FRMPD4: variants seen among roughly 807,000 people sequenced by gnomAD.
FRMPD4 encodes the protein FERM and PDZ domain-containing protein 4.
FRMPD4 carries 22 observed loss-of-function variants against 94.1 expected under a neutral mutation model. The observed-to-expected ratio is 0.23, with a 90% confidence interval of 0.17 to 0.33. The LOEUF (loss-of-function observed/expected upper bound fraction) is 0.33, where lower values mean the gene tolerates loss of function less well. FRMPD4 is among the 10% of genes least tolerant of loss of function. FRMPD4 has a pLI of 1.00. For missense variants in FRMPD4, 1,111 were observed against 1,339.9 expected, an observed-to-expected ratio of 0.83 and a Z score of 2.67; for synonymous variants, 631 against 548.6, an observed-to-expected ratio of 1.15 and a Z score of -2.10.
At chrX:11,874,706 G>A (rs2147308611) in intron 2 of FRMPD4, among the ~76,000 whole-genome samples, 1 of 111,831 alleles carries the variant, frequency 8.9e-6, no homozygotes, top group African/African-American at 3.2e-5. Flanking sequence ...TTTTACAGAG[G>A]TACAAAGTCC....
chrX:11,966,522 TATCATCATCATC>T (rs369305902), intron 3 of FRMPD4, among the ~76,000 whole-genome samples: 2 of 109,863 alleles, frequency 1.8e-5, no homozygotes, highest in East Asian at 2.8e-4. Context: ...AGCCCAGATT[TATCATCATCATC>T]ATCATCATCA....
chrX:12,486,222 A>G (rs1171480991), intron 1 of FRMPD4, among the ~76,000 whole-genome samples: 1 of 111,537 alleles, frequency 9.0e-6, no homozygotes, highest in Non-Finnish European at 1.9e-5. Context: ...CTTACCTGAC[A>G]CTGACCTTGG....
chrX:12,690,477 T>G (rs988254407), intron 8 of FRMPD4, 151 bp downstream of exon 8: 4 of 451,317 alleles, frequency 8.9e-6, no homozygotes, highest in African/African-American at 4.9e-5. Context: ...CTTAATGCAT[T>G]TTACACCTCA....
At chrX:12,603,884 A>T (rs1189449010) in intron 2 of FRMPD4, among the ~76,000 whole-genome samples, 1 of 111,293 alleles carries the variant, frequency 9.0e-6, no homozygotes, top group Admixed American at 9.6e-5. Flanking sequence ...TTCATGGGGA[A>T]CATGCTAGTA....
chrX:12,683,743 G>C (rs1197169561), intron 6 of FRMPD4, among the ~76,000 whole-genome samples, 156 bp downstream of exon 6: 1 of 112,149 alleles, frequency 8.9e-6, no homozygotes, highest in Non-Finnish European at 1.9e-5. Context: ...TAAAGGGCTT[G>C]AGAGTTCATC....
intron 4 of FRMPD4, among the ~76,000 whole-genome samples, chrX:12,629,846 T>A (rs1215755691): frequency 8.9e-6 from 1 of 112,242 alleles, no homozygotes; most frequent in African/African-American, 3.2e-5. Flanking sequence ...TCATTACTGC[T>A]CTGGAAATTG....
intron 1 of FRMPD4, among the ~76,000 whole-genome samples, chrX:12,485,745 C>T (rs1461296586): frequency 9.0e-6 from 1 of 110,550 alleles, no homozygotes; most frequent in Non-Finnish European, 1.9e-5. Flanking sequence ...CACATCTCTA[C>T]TAAAAATACA....
intron 1 of FRMPD4, among the ~76,000 whole-genome samples, chrX:12,496,115 A>T (rs1315169872): frequency 8.9e-6 from 1 of 112,531 alleles, no homozygotes; most frequent in Admixed American, 9.4e-5. Flanking sequence ...GTTACCAGTT[A>T]AAAAATACAG....
intron 1 of FRMPD4, among the ~76,000 whole-genome samples, chrX:12,347,775 C>T (rs1049417113): frequency 3.6e-5 from 4 of 111,558 alleles, no homozygotes; most frequent in Non-Finnish European, 7.5e-5. Flanking sequence ...TTGTTCATCA[C>T]AGTAGAAGTC....
chrX:12,321,567 G>A (rs2055208386), intron 1 of FRMPD4, among the ~76,000 whole-genome samples: 1 of 112,346 alleles, frequency 8.9e-6, no homozygotes. Flanking sequence ...GCTAAGCTAT[G>A]ATGTTCAGTA....
intron 3 of FRMPD4, among the ~76,000 whole-genome samples, chrX:12,110,414 G>A (rs933837944): frequency 8.9e-6 from 1 of 111,766 alleles, no homozygotes; most frequent in African/African-American, 3.3e-5. Context: ...TTTCTGGGAC[G>A]TATCTCAAAA....
chrX:12,665,848 G>A (rs898638247), intron 4 of FRMPD4, among the ~76,000 whole-genome samples: 21 of 111,719 alleles, frequency 1.9e-4, no homozygotes, highest in African/African-American at 5.9e-4. Context: ...CATTGACACC[G>A]TGAAGAAACT....
chrX:12,699,079 T>C (rs1051056471), intron 9 of FRMPD4, among the ~76,000 whole-genome samples: 6 of 112,050 alleles, frequency 5.4e-5, no homozygotes, highest in Non-Finnish European at 1.1e-4. Flanking sequence ...AAGAAAATGA[T>C]TTATCAAAAT....
At chrX:12,377,750 A>G (rs1200066490) in intron 1 of FRMPD4, among the ~76,000 whole-genome samples, 1 of 112,714 alleles carries the variant, frequency 8.9e-6, no homozygotes, top group African/African-American at 3.2e-5. Flanking sequence ...AGAAGTCGCG[A>G]TGCTCGCAGA....
chrX:12,425,310 G>A (rs2407842), intron 1 of FRMPD4, among the ~76,000 whole-genome samples: 45,601 of 110,602 alleles, frequency 0.41, 6,976 homozygotes, highest in South Asian at 0.55. Flanking sequence ...CAGCCAACCA[G>A]AGTTGTATTT....
intron 1 of FRMPD4, among the ~76,000 whole-genome samples, chrX:12,458,510 C>G (rs2057358604): frequency 1.8e-5 from 2 of 111,886 alleles, no homozygotes; most frequent in African/African-American, 3.2e-5. Context: ...TTCTGCTGAC[C>G]TTGTCTGATG....
At chrX:12,700,267 G>C (rs755945107) in intron 9 of FRMPD4, among the ~76,000 whole-genome samples, 1 of 111,787 alleles carries the variant, frequency 8.9e-6, no homozygotes, top group South Asian at 3.8e-4. Flanking sequence ...TGTTTTTTGA[G>C]CTCCAACAAA....
chrX:12,722,037 G>C lies in FRMPD4; in HGVS notation c.*179G>C. The C allele has an allele frequency of 8.6e-6, 1 of 116,772 alleles. No individual in the cohort carries two copies. Among genetic ancestry groups the C allele is most frequent in the Non-Finnish European group, 1.7e-5 (1 of 57,687 alleles). 9.6% of individuals were successfully genotyped at this position (116,772 alleles called of 1,213,427 possible). ...GAAATGTACTAATCAGATGTATTCT[G>C]TTTATATTATACATATATATACACG... On this transcript the variant is annotated 3_prime_UTR_variant, in exon 17 of 17. Coordinates refer to ENST00000675598, the MANE Select transcript of FRMPD4 (RefSeq NM_001368397.1).
At chrX:12,208,323 T>TA (rs1164953594) in intron 1 of FRMPD4, among the ~76,000 whole-genome samples, 1 of 110,294 alleles carries the variant, frequency 9.1e-6, no homozygotes, top group Non-Finnish European at 1.9e-5. Context: ...AAAAAGTCAA[T>TA]AGCTGAAGAC....
Sources: gnomAD v4.1 joint callset for allele counts (sites outside exome capture counted in the v4.1 genomes callset) on GRCh38, gnomAD v4.1.1 for gene constraint, MANE v1.5 for transcripts, NCBI Gene and HGNC (gene_info 2026-07-23, HGNC 2026-07-21) for gene names.